LRRC37A2: variants seen among roughly 807,000 people sequenced by gnomAD.
LRRC37A2 encodes leucine-rich repeat-containing protein 37A2.
A neutral mutation model predicts 68.8 loss-of-function variants in LRRC37A2; 9 were observed. The observed-to-expected ratio is 0.13, with a 90% confidence interval of 0.08 to 0.23. LRRC37A2 has a LOEUF of 0.23. Among genes scored for constraint, LRRC37A2 ranks in the 10% least tolerant of loss-of-function variants. The pLI is 1.00. For synonymous variants in LRRC37A2, 63 were observed against 367.6 expected, an observed-to-expected ratio of 0.17 and a Z score of 9.48; for missense variants, 168 against 950.4, an observed-to-expected ratio of 0.18 and a Z score of 10.82.
At chr17:46,728,855 A>G in the LRRC37A2 span, 6 of 1,599,300 alleles carry the variant, frequency 3.8e-6, no homozygotes, top group Non-Finnish European at 5.1e-6. Flanking sequence ...TCTTTTCCAG[A>G]TTACGTCCCT....
At chr17:46,798,278 T>C in the LRRC37A2 span, among the ~76,000 whole-genome samples, 4 of 152,164 alleles carry the variant, frequency 2.6e-5, no homozygotes, top group African/African-American at 9.7e-5. Context: ...ATTCAGGATG[T>C]GGTCACATCT....
the LRRC37A2 span, among the ~76,000 whole-genome samples, chr17:46,770,686 C>T: frequency 6.6e-6 from 1 of 152,192 alleles, no homozygotes. Flanking sequence ...CCTGCCCTCA[C>T]GCCCAGGCAC....
At chr17:46,548,773 A>G (rs1404422348) in exon 10 of LRRC37A2, 2 of 1,611,522 alleles carry the variant, frequency 1.2e-6, no homozygotes, top group South Asian at 1.1e-5. Context: ...TCCAGCCCCA[A>G]GGGAGGTGGA....
At chr17:46,551,416 G>T (rs1168252424) in intron 11 of LRRC37A2, among the ~76,000 whole-genome samples, 2 of 149,776 alleles carry the variant, frequency 1.3e-5, no homozygotes, top group Non-Finnish European at 2.9e-5. Flanking sequence ...TTCCATTATT[G>T]TGGCAGCCCT....
chr17:46,769,710 G>A, the LRRC37A2 span: 2 of 1,583,536 alleles, frequency 1.3e-6, no homozygotes, highest in South Asian at 2.2e-5. Context: ...GGGTGAGGTG[G>A]GGGCCAGGGC....
the LRRC37A2 span, chr17:46,694,384 C>G: frequency 2.8e-6 from 3 of 1,061,772 alleles, no homozygotes; most frequent in Non-Finnish European, 4.0e-6. Flanking sequence ...GAGACTCTGT[C>G]TCAAAATAAT....
At chr17:46,545,465 T>A (rs1288805417) in intron 8 of LRRC37A2, among the ~76,000 whole-genome samples, 1 of 111,224 alleles carries the variant, frequency 9.0e-6, no homozygotes, top group African/African-American at 4.7e-5. Flanking sequence ...AATAATAATT[T>A]TCCCCTTGGT....
At chr17:46,922,843 T>C in the LRRC37A2 span, 1 of 372,896 alleles carries the variant, frequency 2.7e-6, no homozygotes. Context: ...GAACAGCAGA[T>C]GATAGCGGCT....
the LRRC37A2 span, chr17:46,872,793 GA>G: frequency 1.5e-6 from 2 of 1,360,778 alleles, no homozygotes; most frequent in Non-Finnish European, 2.1e-6. Flanking sequence ...AGGGCTAGGG[GA>G]CGGGGAGGGC....
chr17:46,978,450 GCA>G, the LRRC37A2 span: 1 of 571,650 alleles, frequency 1.7e-6, no homozygotes, highest in Non-Finnish European at 2.9e-6. Context: ...ACGCTGCAGC[GCA>G]CACAGGACAG....
chr17:46,502,910 C>T, the LRRC37A2 span, among the ~76,000 whole-genome samples: 21 of 150,718 alleles, frequency 1.4e-4, no homozygotes, highest in Admixed American at 3.3e-4. Flanking sequence ...TAGCACTCAA[C>T]GTTTAAAAAT....
the LRRC37A2 span, among the ~76,000 whole-genome samples, chr17:47,027,302 T>G: frequency 6.6e-6 from 1 of 152,188 alleles, no homozygotes; most frequent in Non-Finnish European, 1.5e-5. Context: ...AAAGGGCATC[T>G]AATCAAGTCT....
chr17:46,944,436 C>T, the LRRC37A2 span, among the ~76,000 whole-genome samples: 7 of 152,052 alleles, frequency 4.6e-5, no homozygotes, highest in African/African-American at 1.2e-4. Context: ...ACATGAGGCC[C>T]GAGTCACGTA....
At chr17:46,707,049 C>G in the LRRC37A2 span, among the ~76,000 whole-genome samples, 2 of 151,388 alleles carry the variant, frequency 1.3e-5, no homozygotes, top group Non-Finnish European at 2.9e-5. Flanking sequence ...CGGGGTTTCA[C>G]CATGTTGGCT....
At chr17:46,920,761 T>C in the LRRC37A2 span, among the ~76,000 whole-genome samples, 3 of 152,162 alleles carry the variant, frequency 2.0e-5, no homozygotes, top group Non-Finnish European at 4.4e-5. Context: ...ATAAAATTCA[T>C]AGAAAGCCAT....
At chr17:46,794,375 C>T in the LRRC37A2 span, among the ~76,000 whole-genome samples, 1 of 152,136 alleles carries the variant, frequency 6.6e-6, no homozygotes, top group African/African-American at 2.4e-5. Context: ...AAGCCCAGGC[C>T]CTATATGCAG....
chr17:46,820,579 C>T, the LRRC37A2 span, among the ~76,000 whole-genome samples: 1 of 152,098 alleles, frequency 6.6e-6, no homozygotes, highest in South Asian at 2.1e-4. Context: ...GATGGGGATC[C>T]CTAGAGATGC....
chr17:46,904,909 G>T, the LRRC37A2 span, among the ~76,000 whole-genome samples: 1 of 152,008 alleles, frequency 6.6e-6, no homozygotes, highest in Non-Finnish European at 1.5e-5. Flanking sequence ...TCTCTTTGGG[G>T]CCCCTCCCGG....
chr17:46,526,435 C>T (rs1278492368), intron 6 of LRRC37A2, among the ~76,000 whole-genome samples: 50 of 102,946 alleles, frequency 4.9e-4, no homozygotes, highest in Admixed American at 4.3e-3. Flanking sequence ...ATGAATAGAG[C>T]CTAACCTTCC....
Sources: allele counts gnomAD v4.1 joint callset (sites outside exome capture counted in the v4.1 genomes callset), GRCh38; gene constraint gnomAD v4.1.1; transcripts MANE v1.5; gene names NCBI Gene and HGNC (gene_info 2026-07-23, HGNC 2026-07-21).